The following ADAMTSL3 variants were observed in gnomAD, a reference collection of about 807,000 sequenced individuals.
ADAMTSL3 encodes ADAMTS like 3.
Under a neutral mutation model 201.7 loss-of-function variants are expected in ADAMTSL3, and 128 were observed. The observed-to-expected ratio is 0.63, with a 90% CI of 0.55 to 0.73. The LOEUF is 0.73. Ranked by LOEUF, ADAMTSL3 falls within the 30% of genes least tolerant of loss-of-function variation. The pLI is 0.00. For missense variants in ADAMTSL3, 1,990 were observed against 2,119.6 expected (o/e 0.94, Z 1.20); for synonymous variants, 738 against 748.4 (o/e 0.99, Z 0.23).
intron 17 of ADAMTSL3, among the ~76,000 whole-genome samples, chr15:83,931,270 C>G (rs1266465935): frequency 6.6e-6 from 1 of 152,152 alleles, no homozygotes; most frequent in African/African-American, 2.4e-5. Flanking sequence ...AGCTTGTTAC[C>G]TATTTCTTGA....
chr15:84,013,315 A>G (rs1015563006), intron 23 of ADAMTSL3, among the ~76,000 whole-genome samples: 4 of 152,234 alleles, frequency 2.6e-5, no homozygotes, highest in African/African-American at 9.6e-5. Flanking sequence ...ATGTTCATGG[A>G]GCACGCATTT....
intron 5 of ADAMTSL3, among the ~76,000 whole-genome samples, chr15:83,808,531 A>C (rs571131106): frequency 6.6e-6 from 1 of 152,362 alleles, no homozygotes; most frequent in South Asian, 2.1e-4. Flanking sequence ...TATTAGTGGG[A>C]ATGTAAATTA....
At chr15:83,906,980 T>C (rs938675353) in intron 15 of ADAMTSL3, among the ~76,000 whole-genome samples, 2 of 151,902 alleles carry the variant, frequency 1.3e-5, no homozygotes, top group African/African-American at 4.8e-5. Context: ...GTCCCAGCTA[T>C]TGGGGAGGCT....
At chr15:83,827,266 A>G (rs1190211689) in intron 6 of ADAMTSL3, among the ~76,000 whole-genome samples, 11 of 152,136 alleles carry the variant, frequency 7.2e-5, no homozygotes, top group African/African-American at 2.7e-4. Context: ...GCCAGTGATG[A>G]TGAGCATTTT....
intron 3 of ADAMTSL3, among the ~76,000 whole-genome samples, chr15:83,732,696 A>G (rs1052267832): frequency 3.3e-5 from 5 of 152,158 alleles, no homozygotes; most frequent in African/African-American, 1.2e-4. Flanking sequence ...TTATTCTGTT[A>G]ACATTTCATG....
At chr15:83,965,025 C>A (rs1596473693) in intron 19 of ADAMTSL3, among the ~76,000 whole-genome samples, 1 of 152,098 alleles carries the variant, frequency 6.6e-6, no homozygotes, top group Non-Finnish European at 1.5e-5. Flanking sequence ...GAAGGAAGCA[C>A]TAAACATGGA....
chr15:83,880,259 C>A (rs967820757), intron 9 of ADAMTSL3, among the ~76,000 whole-genome samples: 2 of 152,118 alleles, frequency 1.3e-5, no homozygotes, highest in African/African-American at 2.4e-5. Context: ...GTAATTATAC[C>A]TTTACCTGTA....
In ADAMTSL3 at chr15:83,654,638, G is replaced by A. The variant is rs2061050975; in HGVS notation, c.-34+362G>A. ...CGAAGGTCCGGCCGGTTGACCACTGGGTAGCGAGCGCCCAGAACGCCGGGG... is the reference window on the plus strand; with the variant it reads ...CGAAGGTCCGGCCGGTTGACCACTGAGTAGCGAGCGCCCAGAACGCCGGGG... On this transcript the variant is annotated intron_variant, in intron 1 of 29. Coordinates refer to ENST00000286744, the MANE Select transcript of ADAMTSL3 (RefSeq NM_207517.3). This position sits in a 1 kb window ranked among gnomAD's most constrained non-coding sequence, Gnocchi z 5.3. Among the ~76,000 whole-genome samples the A allele has an allele frequency of 6.6e-6, 1 of 152,170 alleles. No individual in the cohort carries two copies. Among genetic ancestry groups the A allele is most frequent in the Non-Finnish European group, 1.5e-5 (1 of 68,032 alleles).
At chr15:83,875,512 C>T (rs138517630) in intron 9 of ADAMTSL3, among the ~76,000 whole-genome samples, 10 of 152,270 alleles carry the variant, frequency 6.6e-5, no homozygotes, top group South Asian at 4.1e-4. Flanking sequence ...TCAGGATGTG[C>T]GGTGGCTCAC....
At chr15:83,696,444 G>A (rs535139370) in intron 2 of ADAMTSL3, among the ~76,000 whole-genome samples, 131 of 152,332 alleles carry the variant, frequency 8.6e-4, no homozygotes, top group Non-Finnish European at 1.5e-3. Flanking sequence ...ACCTTACATG[G>A]TGTCTGGCTA....
chr15:83,721,032 A>G (rs2062093691), intron 3 of ADAMTSL3, among the ~76,000 whole-genome samples: 1 of 152,256 alleles, frequency 6.6e-6, no homozygotes, highest in South Asian at 2.1e-4. Flanking sequence ...TAAATGCACA[A>G]GACATTTTGT....
At chr15:83,683,020 A>G (rs2061494800) in intron 2 of ADAMTSL3, among the ~76,000 whole-genome samples, 2 of 152,224 alleles carry the variant, frequency 1.3e-5, no homozygotes, top group Non-Finnish European at 2.9e-5. Flanking sequence ...GAGGTTTAAG[A>G]GTACAAGGAA....
intron 3 of ADAMTSL3, among the ~76,000 whole-genome samples, chr15:83,765,443 T>C (rs1451830389): frequency 6.6e-6 from 1 of 152,200 alleles, no homozygotes; most frequent in African/African-American, 2.4e-5. Flanking sequence ...GCTGTTAATA[T>C]AGCATTTCCA....
intron 9 of ADAMTSL3, among the ~76,000 whole-genome samples, chr15:83,882,434 T>C (rs923306349): frequency 1.3e-5 from 2 of 152,238 alleles, no homozygotes; most frequent in African/African-American, 4.8e-5. Flanking sequence ...TTAAAATCAG[T>C]CCTTGTTTAG....
chr15:83,948,378 A>G (rs2066695962), intron 19 of ADAMTSL3, among the ~76,000 whole-genome samples: 1 of 151,396 alleles, frequency 6.6e-6, no homozygotes, highest in Admixed American at 6.6e-5. Flanking sequence ...GTTTTGAAAC[A>G]TTTACCAGCA....
chr15:83,706,855 A>G (rs79590734), intron 3 of ADAMTSL3, among the ~76,000 whole-genome samples: 11,370 of 149,868 alleles, frequency 0.076, 674 homozygotes, highest in East Asian at 0.19. Context: ...ATTTTGTAGA[A>G]ATGAGGTTTT....
At chr15:83,777,635 G>A (rs777376744) in intron 4 of ADAMTSL3, among the ~76,000 whole-genome samples, 3 of 151,924 alleles carry the variant, frequency 2.0e-5, no homozygotes, top group African/African-American at 4.8e-5. Context: ...CAGCAACCTC[G>A]AGGATTAAAG....
At chr15:83,794,851 A>AATC (rs1555444933) in intron 4 of ADAMTSL3, among the ~76,000 whole-genome samples, 1 of 151,772 alleles carries the variant, frequency 6.6e-6, no homozygotes, top group Non-Finnish European at 1.5e-5. Context: ...TGTGATTTAC[A>AATC]ATTATTATTA....
intron 23 of ADAMTSL3, among the ~76,000 whole-genome samples, chr15:84,002,743 T>C (rs1009427984): frequency 3.3e-5 from 5 of 152,056 alleles, no homozygotes; most frequent in African/African-American, 1.2e-4. Flanking sequence ...ATTTTATGAA[T>C]CGGACTTTCT....
Sources: gnomAD v4.1 joint callset for allele counts (sites outside exome capture counted in the v4.1 genomes callset) on GRCh38, gnomAD v4.1.1 for gene constraint, Gnocchi (gnomAD v3.1) non-coding constraint, MANE v1.5 for transcripts, NCBI Gene and HGNC (gene_info 2026-07-23, HGNC 2026-07-21) for gene names.